The following RHBDF2 variants were observed in gnomAD, a reference collection of about 807,000 sequenced individuals.
RHBDF2 encodes the protein inactive rhomboid protein 2.
RHBDF2 carries 38 observed loss-of-function variants against 95.2 expected under a neutral mutation model. The ratio of observed to expected loss-of-function variants is 0.40; its 90% CI spans 0.31 to 0.52. RHBDF2 has a LOEUF of 0.52. Ranked by LOEUF, RHBDF2 falls within the 20% of genes least tolerant of loss-of-function variation. RHBDF2 has a pLI of 0.56. For synonymous variants in RHBDF2, 442 were observed against 462.0 expected (o/e 0.96, Z 0.55); for missense variants, 863 against 1,137.7 (o/e 0.76, Z 3.47).
chr17:76,485,512 G>C (rs188022333), intron 2 of RHBDF2, among the ~76,000 whole-genome samples: 95 of 151,540 alleles, frequency 6.3e-4, no homozygotes, highest in African/African-American at 2.3e-3. Context: ...AACCCAGGAC[G>C]GGGGGTGTGG....
chr17:76,476,518 G>A, intron 9 of RHBDF2: 2 of 327,582 alleles, frequency 6.1e-6, no homozygotes, highest in Non-Finnish European at 1.1e-5. Context: ...CACCCTCTGG[G>A]GGTTCCATTT....
intron 1 of RHBDF2, among the ~76,000 whole-genome samples, chr17:76,490,223 G>A (rs2074261495): frequency 6.6e-6 from 1 of 152,210 alleles, no homozygotes; most frequent in Non-Finnish European, 1.5e-5. Flanking sequence ...CTTCTTTAAG[G>A]CTAGTCCAGC....
At chr17:76,477,365 A>G in intron 7 of RHBDF2, 67 bp from the exon 8 acceptor site, 11 of 1,542,736 alleles carry the variant, frequency 7.1e-6, no homozygotes, top group Non-Finnish European at 9.6e-6. Flanking sequence ...CGGAACCTCA[A>G]TTCAAGGGCA....
intron 1 of RHBDF2, among the ~76,000 whole-genome samples, chr17:76,492,815 G>C (rs536694234): frequency 1.3e-5 from 2 of 152,222 alleles, no homozygotes; most frequent in African/African-American, 2.4e-5. Context: ...GAGGCTTGAT[G>C]CAAGGGCTGA....
In RHBDF2 at chr17:76,471,495, G is replaced by A. The variant is rs1166241527; in HGVS notation, c.*138C>T. On this transcript the variant is annotated 3_prime_UTR_variant, in exon 19 of 19. Coordinates refer to ENST00000675367, the MANE Select transcript of RHBDF2 (RefSeq NM_001005498.4). ...ACGCGGAGTCAGCCTCGCCTGGCAG[G>A]GGGGCACCCAGGTCCAGAGCCCGGG... 3 of 988,614 alleles carry A rather than the reference G, an allele frequency of 3.0e-6. No individual in the cohort carries two copies. Among genetic ancestry groups the A allele is most frequent in the Non-Finnish European group, 2.9e-6 (2 of 685,280 alleles). The allele number at this position is 988,614 out of a possible 1,614,324, so 61.2% of individuals were successfully genotyped here. A position where few individuals can be genotyped will look rare whatever the true frequency, so the allele number is the denominator to read the frequency against.
chr17:76,476,634 C>T (rs2144106653), intron 9 of RHBDF2, 196 bp downstream of exon 9: 2 of 728,366 alleles, frequency 2.7e-6, no homozygotes, highest in East Asian at 2.9e-5. Context: ...AGAGAGGCAG[C>T]AAGCACCCCT....
rs946207410 is a variant in RHBDF2, at chr17:76,483,294, C to CT, written c.-21-1750dup. ...GACAGACCTACTTTTTTTCTTTTTT[C>CT]TTTTTTTTTGTGATGGGGTCTCATT... is the stretch of plus-strand genomic sequence containing the variant. On this transcript the variant is annotated intron_variant, in intron 2 of 18. Coordinates refer to ENST00000675367, the MANE Select transcript of RHBDF2 (RefSeq NM_001005498.4). 9.3e-5 allele frequency among the ~76,000 whole-genome samples: 14 copies of CT among 150,794 alleles called. No homozygotes were observed. The South Asian group carries it at 1.3e-3, about 14-fold the overall frequency.
At chr17:76,495,687 G>A (rs755519465) in intron 1 of RHBDF2, among the ~76,000 whole-genome samples, 10 of 152,110 alleles carry the variant, frequency 6.6e-5, no homozygotes, top group South Asian at 4.1e-4. Context: ...CCAGGGAGCC[G>A]ACGGCATCCC....
intron 1 of RHBDF2, among the ~76,000 whole-genome samples, chr17:76,496,679 G>C (rs1390732722): frequency 6.6e-6 from 1 of 152,220 alleles, no homozygotes; most frequent in Non-Finnish European, 1.5e-5. Flanking sequence ...AAGGTCAAAA[G>C]GGGCTTAGGC....
intron 2 of RHBDF2, among the ~76,000 whole-genome samples, chr17:76,483,267 C>T (rs529379112): frequency 8.5e-5 from 13 of 152,162 alleles, no homozygotes; most frequent in Admixed American, 3.3e-4. Flanking sequence ...TCAACACATA[C>T]GGACAGACCT....
chr17:76,479,004 C>T lies in RHBDF2; in HGVS notation c.474G>A (p.Val158=), dbSNP rs369931386. 1.0e-4 allele frequency: 161 copies of T among 1,601,332 alleles called. No homozygotes were observed. Among genetic ancestry groups the T allele is most frequent in the Non-Finnish European group, 1.4e-4 (160 of 1,172,128 alleles). Residue 158 remains valine (V), a synonymous_variant, in exon 6 of 19, where the codon GTG becomes GTA. Coordinates refer to ENST00000675367, the MANE Select transcript of RHBDF2 (RefSeq NM_001005498.4). ...SPKPCKMPKI[V]DPLARGRAFR... ...AGGCCCGGCCCCGGGCCAGCGGATC[C>T]ACAATCTGGAAGGGAGGGGGGCGGT...
At chr17:76,482,576 C>G (rs1048659402) in intron 2 of RHBDF2, among the ~76,000 whole-genome samples, 1 of 152,158 alleles carries the variant, frequency 6.6e-6, no homozygotes, top group African/African-American at 2.4e-5. Context: ...GAGTTTGAGA[C>G]CAGCCTGGCC....
At chr17:76,475,172 C>T (rs927963763) in intron 9 of RHBDF2, 31 bp from the exon 10 acceptor site, 13 of 1,508,872 alleles carry the variant, frequency 8.6e-6, no homozygotes, top group African/African-American at 5.5e-5. Flanking sequence ...TCAGCTGAGC[C>T]GAGCTCCTAT....
intron 1 of RHBDF2, among the ~76,000 whole-genome samples, chr17:76,494,136 G>A (rs886966320): frequency 2.6e-5 from 4 of 152,166 alleles, no homozygotes; most frequent in African/African-American, 9.7e-5. Flanking sequence ...GGGGGCTGGG[G>A]GGTGACATGT....
At chr17:76,478,030 T>C (rs1018494312) in intron 6 of RHBDF2, among the ~76,000 whole-genome samples, 5 of 152,170 alleles carry the variant, frequency 3.3e-5, no homozygotes, top group Non-Finnish European at 5.9e-5. Context: ...GGAGTCACCT[T>C]TCCCTTGGTC....
At position 76,472,709 on chromosome 17, in the gene RHBDF2, T is replaced by C. The variant is rs2073625068; in HGVS notation, c.2041A>G (p.Ile681Val). The change falls in exon 18 of 19, where the codon ATC (isoleucine) becomes GTC (valine). Residue 681 changes from isoleucine to valine, a missense_variant. Physicochemically the swap from Ile to Val is conservative, Grantham distance 29. Coordinates refer to ENST00000675367, the MANE Select transcript of RHBDF2 (RefSeq NM_001005498.4). ...ACCTCTGCCCGGTATGGGAGAAAGA[T>C]GGCACTGGCGAGGTTGCCTGTGATG... is the stretch of plus-strand genomic sequence containing the variant. ...SGITGNLASAIFLPYRAEVGP... is the reference protein window; with the variant it reads ...SGITGNLASAVFLPYRAEVGP... 1.9e-6 allele frequency: 3 copies of C among 1,614,080 alleles called. No homozygotes were observed. The highest frequency in any genetic ancestry group is 1.6e-4 in the Middle Eastern group (1 of 6,062).
At chr17:76,482,867 GAAAAA>G (rs11358592) in intron 2 of RHBDF2, among the ~76,000 whole-genome samples, 1 of 140,852 alleles carries the variant, frequency 7.1e-6, no homozygotes, top group Non-Finnish European at 1.6e-5. Context: ...TATGCTCATT[GAAAAA>G]AAAAAAAAAT....
In RHBDF2 at chr17:76,477,214, A is replaced by AGGC. The variant is rs2073801794; in HGVS notation, c.883_885dup (p.Ala295dup). Reference sequence around the variant, plus strand: ...TGCACCCCATCGGGGGAGACAGGGGAGGCTGAGTGTGGGATCCCTCGGAAG... The same window carrying AGGC: ...TGCACCCCATCGGGGGAGACAGGGGAGGCGGCTGAGTGTGGGATCCCTCGGAAG... On this transcript the variant is annotated inframe_insertion, in exon 8 of 19. Coordinates refer to ENST00000675367, the MANE Select transcript of RHBDF2 (RefSeq NM_001005498.4). The AGGC allele has an allele frequency of 6.2e-7, 1 of 1,610,206 alleles. No homozygotes were observed. The highest frequency in any genetic ancestry group is 1.1e-5 in the South Asian group (1 of 90,560).
At chr17:76,493,924 C>T (rs1269904981) in intron 1 of RHBDF2, among the ~76,000 whole-genome samples, 2 of 152,230 alleles carry the variant, frequency 1.3e-5, no homozygotes, top group Non-Finnish European at 2.9e-5. Context: ...TCAAGAACCC[C>T]CAGGGGCAGC....
Sources: gnomAD v4.1 joint callset for allele counts (sites outside exome capture counted in the v4.1 genomes callset) on GRCh38, gnomAD v4.1.1 for gene constraint, MANE v1.5 for transcripts, NCBI Gene and HGNC (gene_info 2026-07-23, HGNC 2026-07-21) for gene names.